The following ESCO1 variants were observed in gnomAD, a reference collection of about 807,000 sequenced individuals.
The protein encoded by ESCO1 is N-acetyltransferase ESCO1.
A neutral mutation model predicts 83.5 loss-of-function variants in ESCO1; 33 were observed. The observed-to-expected ratio is 0.40, with a 90% CI of 0.30 to 0.53. The LOEUF (loss-of-function observed/expected upper bound fraction) is 0.53, where lower values mean the gene tolerates loss of function less well. Ranked by LOEUF, ESCO1 falls within the 20% of genes least tolerant of loss-of-function variation. ESCO1 has a pLI of 0.63. For synonymous variants in ESCO1, 332 were observed against 324.3 expected, an observed-to-expected ratio of 1.02 and a Z score of -0.25; for missense variants, 855 against 968.0, an observed-to-expected ratio of 0.88 and a Z score of 1.55.
intron 1 of ESCO1, among the ~76,000 whole-genome samples, chr18:21,600,066 G>A (rs1309858323): frequency 2.6e-5 from 4 of 152,214 alleles, no homozygotes; most frequent in Admixed American, 2.6e-4. Flanking sequence ...CAAACTGAAG[G>A]CTGTAAAACC....
At chr18:21,572,271 C>T (rs2038351035) in intron 4 of ESCO1, among the ~76,000 whole-genome samples, 1 of 152,090 alleles carries the variant, frequency 6.6e-6, no homozygotes. Context: ...ACAAATAAAT[C>T]AGTTTGATCT....
chr18:21,589,228 G>T (rs2038625979), intron 1 of ESCO1, among the ~76,000 whole-genome samples: 1 of 147,970 alleles, frequency 6.8e-6, no homozygotes, highest in Non-Finnish European at 1.5e-5. Context: ...AACAGAGCAA[G>T]ACTCCGTCTC....
At position 21,596,750 on chromosome 18, in the gene ESCO1, G is replaced by A. The variant is rs771576459; in HGVS notation, c.-825+3873C>T. On this transcript the variant is annotated intron_variant, in intron 1 of 11. Coordinates refer to ENST00000269214, the MANE Select transcript of ESCO1 (RefSeq NM_052911.3). The stretch of plus-strand genomic sequence containing the variant: ...CTCGGGAGGCTGAGGCAGGAGAATC[G>A]CTTGAAGCCTGGAGGCAGAGGTTGC... 3.9e-5 allele frequency among the ~76,000 whole-genome samples: 6 copies of A among 151,990 alleles called. No individual in the cohort carries two copies. In the East Asian group the frequency reaches 5.8e-4, roughly 15 times the overall value.
Position 21,573,398 on chromosome 18 carries a change from A to G in ESCO1, c.1446T>C (p.Asn482=). 1 of 1,610,366 alleles carries G rather than the reference A, an allele frequency of 6.2e-7. No homozygotes were observed. The highest frequency in any genetic ancestry group is 8.5e-7 in the Non-Finnish European group (1 of 1,179,310). ...GTTTTATCTCATTGGCCAAATGACA[A>G]TTTTCAGGAGCCCTTTCTGTGGTTT... The part of the protein sequence containing the change: ...INKTTERAPE[N]CHLANEIKPS... Residue 482 remains asparagine, a synonymous_variant, in exon 4 of 12, where the codon AAT becomes AAC. Coordinates refer to ENST00000269214, the MANE Select transcript of ESCO1 (RefSeq NM_052911.3).
intron 1 of ESCO1, among the ~76,000 whole-genome samples, chr18:21,597,969 T>C (rs1314493888): frequency 2.0e-5 from 3 of 152,148 alleles, no homozygotes; most frequent in Non-Finnish European, 4.4e-5. Flanking sequence ...ACAGAACTTA[T>C]ACAGGAAAAA....
chr18:21,580,309 A>G (rs1379475808), intron 2 of ESCO1, among the ~76,000 whole-genome samples: 3 of 152,160 alleles, frequency 2.0e-5, no homozygotes, highest in Admixed American at 6.5e-5. Context: ...TCAAACTTCT[A>G]GAGGGGGGAA....
At chr18:21,536,286 CA>C in intron 9 of ESCO1, 101 bp from the exon 10 acceptor site, 1 of 1,329,308 alleles carries the variant, frequency 7.5e-7, no homozygotes, top group Non-Finnish European at 1.0e-6. Flanking sequence ...CCAAGCAGGG[CA>C]TCCTCTAAAG....
At chr18:21,549,965 A>AAT (rs1381554464) in intron 8 of ESCO1, among the ~76,000 whole-genome samples, 1 of 146,986 alleles carries the variant, frequency 6.8e-6, no homozygotes, top group African/African-American at 2.5e-5. Context: ...TCCATCTCCA[A>AAT]AAAAAAAAAA....
At chr18:21,554,832 CGA>C (rs2038092106) in intron 8 of ESCO1, among the ~76,000 whole-genome samples, 1 of 152,010 alleles carries the variant, frequency 6.6e-6, no homozygotes, top group Non-Finnish European at 1.5e-5. Flanking sequence ...CGCTTGAACC[CGA>C]GAGGCGGAGG....
intron 7 of ESCO1, among the ~76,000 whole-genome samples, chr18:21,562,941 A>G (rs563233078): frequency 5.3e-4 from 79 of 149,852 alleles, no homozygotes; most frequent in African/African-American, 1.9e-3. Flanking sequence ...GCATGATCTC[A>G]GCTCACCGAA....
At chr18:21,587,407 G>C (rs1352285978) in intron 1 of ESCO1, among the ~76,000 whole-genome samples, 1 of 151,914 alleles carries the variant, frequency 6.6e-6, no homozygotes, top group Non-Finnish European at 1.5e-5. Flanking sequence ...CATTTTTGGA[G>C]GTATTTTTAT....
intron 2 of ESCO1, 107 bp from the exon 3 acceptor site, chr18:21,575,884 C>T: frequency 2.5e-6 from 1 of 393,686 alleles, no homozygotes; most frequent in Non-Finnish European, 4.5e-6. Flanking sequence ...TCCTGTCCTA[C>T]CATTAGTCAT....
intron 8 of ESCO1, among the ~76,000 whole-genome samples, chr18:21,544,791 G>A (rs896785551): frequency 6.6e-6 from 1 of 152,214 alleles, no homozygotes; most frequent in Non-Finnish European, 1.5e-5. Context: ...TGTGTGTGCT[G>A]TATTAAACTT....
At chr18:21,551,245 C>G (rs1555669577) in intron 8 of ESCO1, among the ~76,000 whole-genome samples, 2 of 151,882 alleles carry the variant, frequency 1.3e-5, no homozygotes, top group Non-Finnish European at 2.9e-5. Flanking sequence ...CCGAGGCGGA[C>G]AGATCACGAG....
At position 21,573,409 on chromosome 18, in the gene ESCO1, C is replaced by G. The variant is rs778377108; in HGVS notation, c.1435G>C (p.Ala479Pro). 1.2e-6 allele frequency: 2 copies of G among 1,611,468 alleles called. No individual in the cohort carries two copies. The highest frequency in any genetic ancestry group is 2.2e-5 in the East Asian group (1 of 44,830). The change falls in exon 4 of 12, where the codon GCT (alanine) becomes CCT (proline). Residue 479 changes from alanine (A) to proline (P), a missense_variant. Transcript: ENST00000269214. ...TVEINKTTER[A>P]PENCHLANEI... is the part of the protein sequence containing the mutation. ...TTGGCCAAATGACAATTTTCAGGAG[C>G]CCTTTCTGTGGTTTTATTAATTTCT...
chr18:21,570,257 C>T (rs1374827827), intron 4 of ESCO1, among the ~76,000 whole-genome samples: 1 of 152,052 alleles, frequency 6.6e-6, no homozygotes, highest in South Asian at 2.1e-4. Context: ...ATTACCACTC[C>T]TAGCTAATTT....
At chr18:21,567,903 T>C in intron 5 of ESCO1, 77 bp downstream of exon 5, 1 of 1,011,498 alleles carries the variant, frequency 9.9e-7, no homozygotes, top group South Asian at 1.4e-5. Context: ...CCCTATTTGG[T>C]ATATAACATT....
In ESCO1 at chr18:21,573,712, G is replaced by A. The variant is rs1336409648; in HGVS notation, c.1132C>T (p.Leu378=). The change falls in exon 4 of 12, where the codon CTA becomes TTA. Residue 378 remains leucine (L), a synonymous_variant. Transcript: ENST00000269214. The stretch of plus-strand genomic sequence containing the variant: ...TTGGCTGAGCTGTTTATTCCATTTA[G>A]TATACATTTCACAGGCTTTGTTTTT... ...SRKTKPVKCI[L]NGINSSAKKN... The A allele has an allele frequency of 2.5e-6, 4 of 1,613,990 alleles. No homozygotes were observed. In the Admixed American group the frequency reaches 5.0e-5, roughly 20 times the overall value.
At chr18:21,537,066 T>C (rs1331750995) in intron 9 of ESCO1, among the ~76,000 whole-genome samples, 1 of 152,168 alleles carries the variant, frequency 6.6e-6, no homozygotes, top group Non-Finnish European at 1.5e-5. Flanking sequence ...ATGTCAGATA[T>C]TAGACATCTA....
Sources: gnomAD v4.1 joint callset for allele counts (sites outside exome capture counted in the v4.1 genomes callset) on GRCh38, gnomAD v4.1.1 for gene constraint, MANE v1.5 for transcripts, NCBI Gene and HGNC (gene_info 2026-07-23, HGNC 2026-07-21) for gene names.